The following LYST variants were observed in gnomAD, a reference collection of about 807,000 sequenced individuals.
The protein encoded by LYST is lysosomal trafficking regulator.
LYST carries 192 observed loss-of-function variants against 413.6 expected under a neutral mutation model. The observed-to-expected ratio is 0.46, with a 90% CI of 0.41 to 0.52. LYST has a LOEUF of 0.52. Among genes scored for constraint, LYST ranks in the 20% least tolerant of loss-of-function variants. LYST has a pLI of 0.00. For synonymous variants in LYST, 1,525 were observed against 1,567.3 expected (o/e 0.97, Z 0.64); for missense variants, 3,815 against 4,499.9 (o/e 0.85, Z 4.35).
rs71174459 is a variant in LYST at position 235,755,388 on chromosome 1, C to CAAAAG, written c.7229+85_7229+89dup. The CAAAAG allele has an allele frequency of 0.34, 295,131 of 864,172 alleles. 44,746 individuals carry two copies. Among genetic ancestry groups the CAAAAG allele is most frequent in the East Asian group, 0.54 (19,858 of 36,666 alleles). 53.5% of individuals were successfully genotyped at this position (864,172 alleles called of 1,614,324 possible). A position where few individuals can be genotyped will look rare whatever the true frequency, so the allele number is the denominator to read the frequency against. ...TGGGCAACAGGGCGAGACTCCGTCT[C>CAAAAG]AAAAGAAAAGAAAAGAAAAGAAAAG... On this transcript the variant is annotated intron_variant, in intron 25 of 52. Transcript: ENST00000389793.
intron 19 of LYST, among the ~76,000 whole-genome samples, 191 bp from the exon 20 acceptor site, chr1:235,770,488 T>C (rs1042214097): frequency 3.3e-5 from 5 of 152,218 alleles, no homozygotes; most frequent in African/African-American, 7.2e-5. Context: ...TATTTCTAAA[T>C]AGCTATGTTG....
chr1:235,744,736 CA>C (rs1237372263), intron 29 of LYST, among the ~76,000 whole-genome samples: 3 of 151,368 alleles, frequency 2.0e-5, no homozygotes, highest in African/African-American at 7.3e-5. Context: ...CCCATCTCTA[CA>C]AAAAAATACA....
Position 235,664,115 on chromosome 1 carries a change from T to C in LYST, c.11196-60A>G. 8.1e-7 allele frequency: 1 copy of C among 1,239,128 alleles called. No individual in the cohort carries two copies. The highest frequency in any genetic ancestry group is 1.2e-6 in the Non-Finnish European group (1 of 839,928). 76.8% of individuals were successfully genotyped at this position (1,239,128 alleles called of 1,614,324 possible). A position where few individuals can be genotyped will look rare whatever the true frequency, so the allele number is the denominator to read the frequency against. On this transcript the variant is annotated intron_variant, in intron 51 of 52. Coordinates refer to ENST00000389793, the MANE Select transcript of LYST (RefSeq NM_000081.4). The surrounding 1 kb of genome is among the most constrained non-coding windows in gnomAD (Gnocchi z 4.5). ...TAAAATTACTCTCCCTAAAAAGCCC[T>C]CTATATTTGTTTATTTGTTAAAAAT... is the stretch of plus-strand genomic sequence containing the variant.
At chr1:235,836,313 T>C (rs989913053) in intron 1 of LYST, among the ~76,000 whole-genome samples, 2 of 152,204 alleles carry the variant, frequency 1.3e-5, no homozygotes, top group African/African-American at 4.8e-5. Flanking sequence ...CTTACCATCA[T>C]GTATTATAGT....
rs192146411 is a variant in LYST at position 235,793,901 on chromosome 1, C to T, written c.4007-289G>A. Among the ~76,000 whole-genome samples the T allele has an allele frequency of 4.9e-4, 74 of 152,118 alleles. No homozygotes were observed. The East Asian group carries it at 0.014, about 29-fold the overall frequency. On this transcript the variant is annotated intron_variant, in intron 10 of 52. Coordinates refer to ENST00000389793, the MANE Select transcript of LYST (RefSeq NM_000081.4). ...AGGCTGGAGTGCAATGGCATGATCT[C>T]GGCTCACTGCAACCTCCACCTCCCA...
chr1:235,826,471 G>C (rs76702177), intron 3 of LYST, among the ~76,000 whole-genome samples: 1 of 152,158 alleles, frequency 6.6e-6, no homozygotes. Flanking sequence ...ACTGAATTAT[G>C]CAACAACATG....
At chr1:235,712,368 A>G in intron 42 of LYST, 171 bp from the exon 43 acceptor site, 1 of 560,250 alleles carries the variant, frequency 1.8e-6, no homozygotes, top group Non-Finnish European at 3.0e-6. Context: ...ATTTCTATAA[A>G]CTTGAGATCA....
chr1:235,665,269 T>C (rs760436039), intron 50 of LYST, among the ~76,000 whole-genome samples: 4 of 152,236 alleles, frequency 2.6e-5, no homozygotes, highest in Non-Finnish European at 5.9e-5. Context: ...CTTGGAAAGC[T>C]AAACAGTCTC....
chr1:235,882,291 C>T (rs1452292435), intron 1 of LYST, among the ~76,000 whole-genome samples: 2 of 152,154 alleles, frequency 1.3e-5, no homozygotes, highest in African/African-American at 4.8e-5. Flanking sequence ...ATTAGGAGAA[C>T]AGCAGGTAAT....
intron 3 of LYST, among the ~76,000 whole-genome samples, chr1:235,822,325 C>A (rs1196041501): frequency 6.6e-6 from 1 of 152,186 alleles, no homozygotes; most frequent in African/African-American, 2.4e-5. Context: ...AGAACAGGGG[C>A]CATGACAACA....
chr1:235,867,180 G>T (rs1000459943), upstream of LYST, among the ~76,000 whole-genome samples: 1 of 152,246 alleles, frequency 6.6e-6, no homozygotes, highest in Non-Finnish European at 1.5e-5. Context: ...GTTTCTCAGC[G>T]GTCGGGGGTC....
chr1:235,820,827 C>A (rs917948401), intron 3 of LYST, among the ~76,000 whole-genome samples: 1 of 151,976 alleles, frequency 6.6e-6, no homozygotes, highest in East Asian at 1.9e-4. Flanking sequence ...TGTGTATATA[C>A]ACATATATGA....
intron 52 of LYST, 131 bp from the exon 53 acceptor site, chr1:235,663,209 G>C: frequency 5.7e-6 from 4 of 698,808 alleles, no homozygotes; most frequent in Non-Finnish European, 1.0e-5. Context: ...CTAAATGACT[G>C]CCTACAACTC....
intron 48 of LYST, among the ~76,000 whole-genome samples, chr1:235,679,363 C>T (rs1659631152): frequency 6.6e-6 from 1 of 152,016 alleles, no homozygotes; most frequent in Non-Finnish European, 1.5e-5. Context: ...CTCTAAAGGA[C>T]CTGAGCCCCT....
intron 36 of LYST, among the ~76,000 whole-genome samples, chr1:235,730,286 C>T (rs1342787063): frequency 2.0e-5 from 3 of 151,832 alleles, no homozygotes; most frequent in Non-Finnish European, 4.4e-5. Flanking sequence ...TAATACTCAA[C>T]AACGCTATGA....
At chr1:235,782,497 T>A (rs1669977391) in intron 14 of LYST, among the ~76,000 whole-genome samples, 1 of 152,024 alleles carries the variant, frequency 6.6e-6, no homozygotes, top group Non-Finnish European at 1.5e-5. Flanking sequence ...CTTGAACAAT[T>A]TTCTTGGGTC....
Position 235,751,243 on chromosome 1 carries a change from G to C in LYST, c.7747C>G (p.His2583Asp). ...DSLQSPSAPH[H>D]AVVQKRKSIA... is the part of the protein sequence containing the mutation. ...CTTTTCCGCTTTTGAACTACTGCAT[G>C]ATGGGGAGCAGAAGGTGACTGGAGT... The change falls in exon 28 of 53, where the codon CAT (histidine) becomes GAT (aspartate). Residue 2583 changes from histidine to aspartate, a missense_variant. This residue lies in a region of LYST where 771 missense variants were observed against 837.1 expected (regional missense o/e 0.92). Coordinates refer to ENST00000389793, the MANE Select transcript of LYST (RefSeq NM_000081.4). 2 of 1,613,814 alleles carry C rather than the reference G, an allele frequency of 1.2e-6. No individual in the cohort carries two copies. The highest frequency in any genetic ancestry group is 1.3e-5 in the African/African-American group (1 of 75,032).
At chr1:235,845,879 C>T (rs570996429) in intron 1 of LYST, among the ~76,000 whole-genome samples, 8 of 152,156 alleles carry the variant, frequency 5.3e-5, no homozygotes, top group African/African-American at 1.9e-4. Context: ...AGCCCCACCC[C>T]CACCTGATGG....
chr1:235,871,323 G>A (rs1680913626), upstream of LYST, among the ~76,000 whole-genome samples: 1 of 152,184 alleles, frequency 6.6e-6, no homozygotes, highest in South Asian at 2.1e-4. Context: ...ATTCCATCTT[G>A]AATAAAGGCC....
Sources: gnomAD v4.1 joint callset for allele counts (sites outside exome capture counted in the v4.1 genomes callset) on GRCh38, gnomAD v4.1.1 for gene constraint, gnomAD v4.1.1 regional missense constraint, Gnocchi (gnomAD v3.1) non-coding constraint, MANE v1.5 for transcripts, NCBI Gene and HGNC (gene_info 2026-07-23, HGNC 2026-07-21) for gene names.